SDK1: variants seen among roughly 807,000 people sequenced by gnomAD.
SDK1 encodes protein sidekick-1.
SDK1 carries 157 observed loss-of-function variants against 245.5 expected under a neutral mutation model. The observed-to-expected ratio is 0.64, with a 90% confidence interval of 0.56 to 0.73. The LOEUF is 0.73. SDK1 is among the 30% of genes least tolerant of loss of function. SDK1 has a pLI of 0.00. For missense variants in SDK1, 3,583 were observed against 3,002.3 expected (o/e 1.19, Z -4.52); for synonymous variants, 1,647 against 1,278.5 (o/e 1.29, Z -6.15).
intron 30 of SDK1, among the ~76,000 whole-genome samples, chr7:4,153,778 G>T (rs1780545287): frequency 6.6e-6 from 1 of 152,166 alleles, no homozygotes; most frequent in Non-Finnish European, 1.5e-5. Flanking sequence ...CTGGGCTCAA[G>T]ATACCATCCT....
At chr7:4,115,057 G>A (rs770077645) in intron 25 of SDK1, among the ~76,000 whole-genome samples, 4 of 152,180 alleles carry the variant, frequency 2.6e-5, no homozygotes, top group Non-Finnish European at 5.9e-5. Context: ...ACTTCCGCTG[G>A]CCAACTGTGG....
intron 1 of SDK1, among the ~76,000 whole-genome samples, chr7:3,331,439 ATCT>A (rs1404801275): frequency 1.3e-5 from 2 of 152,152 alleles, no homozygotes; most frequent in African/African-American, 2.4e-5. Context: ...CCATTTGCAT[ATCT>A]TCTTTGGGGA....
chr7:3,683,493 T>C (rs1300738060), intron 4 of SDK1, among the ~76,000 whole-genome samples: 1 of 152,204 alleles, frequency 6.6e-6, no homozygotes, highest in Admixed American at 6.5e-5. Flanking sequence ...TGTTAAGATT[T>C]TGTTCACTTC....
chr7:3,836,047 C>T lies in SDK1; in HGVS notation c.847+14464C>T, dbSNP rs1243553758. Among the ~76,000 whole-genome samples, 4 of 152,140 alleles carry T rather than the reference C, an allele frequency of 2.6e-5. No individual in the cohort carries two copies. In the East Asian group the frequency reaches 7.7e-4, roughly 29 times the overall value. Reference sequence around the variant, plus strand: ...TATAGAGAAAATATGGGAGATTTCTCAGAGATGGACTGTGTTATAAATAGA... The same window carrying T: ...TATAGAGAAAATATGGGAGATTTCTTAGAGATGGACTGTGTTATAAATAGA... On this transcript the variant is annotated intron_variant, in intron 5 of 44. Transcript: ENST00000404826.
intron 4 of SDK1, among the ~76,000 whole-genome samples, chr7:3,663,749 G>T (rs1359557762): frequency 6.6e-6 from 1 of 152,132 alleles, no homozygotes; most frequent in African/African-American, 2.4e-5. Flanking sequence ...CTAGAATTAT[G>T]TGTTGTCCCT....
At chr7:3,868,752 G>T (rs149373440) in intron 5 of SDK1, among the ~76,000 whole-genome samples, 11 of 152,242 alleles carry the variant, frequency 7.2e-5, no homozygotes, top group East Asian at 1.9e-4. Flanking sequence ...ACTTCCAGGG[G>T]TACATCTGTT....
intron 1 of SDK1, among the ~76,000 whole-genome samples, chr7:3,342,218 A>C (rs541806214): frequency 6.6e-6 from 1 of 152,358 alleles, no homozygotes; most frequent in South Asian, 2.1e-4. Context: ...CCTTGATCTA[A>C]ATTTTATATT....
chr7:4,110,476 TG>T (rs1030989634), intron 22 of SDK1, among the ~76,000 whole-genome samples, 186 bp from the exon 23 acceptor site: 3 of 151,958 alleles, frequency 2.0e-5, no homozygotes, highest in East Asian at 1.9e-4. Context: ...GACTTGATGG[TG>T]GGCATAGCAA....
intron 20 of SDK1, among the ~76,000 whole-genome samples, chr7:4,070,432 C>T (rs1041032211): frequency 3.6e-4 from 55 of 152,220 alleles, no homozygotes; most frequent in African/African-American, 1.3e-3. Flanking sequence ...TGGAGGCTCA[C>T]GTGTGTCCCA....
intron 5 of SDK1, among the ~76,000 whole-genome samples, chr7:3,870,559 T>C (rs1353285406): frequency 6.8e-6 from 1 of 146,496 alleles, no homozygotes; most frequent in African/African-American, 2.6e-5. Context: ...ATTTACCTTT[T>C]TGTAAAAAAG....
At chr7:3,898,228 C>T (rs1037043056) in intron 5 of SDK1, among the ~76,000 whole-genome samples, 1 of 152,144 alleles carries the variant, frequency 6.6e-6, no homozygotes, top group African/African-American at 2.4e-5. Flanking sequence ...TCTGGAAAGT[C>T]TTCATTGTAG....
chr7:3,761,896 C>G (rs949189148), intron 4 of SDK1, among the ~76,000 whole-genome samples: 4 of 152,142 alleles, frequency 2.6e-5, no homozygotes, highest in Non-Finnish European at 5.9e-5. Context: ...TCTTTCACAT[C>G]AGGCTCAGTG....
In SDK1 at chr7:4,017,259, A is replaced by G; in HGVS notation, c.2509A>G (p.Ile837Val). 6.2e-7 allele frequency: 1 copy of G among 1,614,126 alleles called. No homozygotes were observed. The highest frequency in any genetic ancestry group is 8.5e-7 in the Non-Finnish European group (1 of 1,179,994). Residue 837 changes from isoleucine to valine, a missense_variant, in exon 17 of 45, where the codon ATC becomes GTC. Transcript: ENST00000404826. ...VNYCLVTDLI[I>V]WTQYEIQVAA... is the part of the protein sequence containing the mutation. ...CTACTGCCTGGTGACAGACCTGATC[A>G]TCTGGACACAGTATGAGATACAGGT...
intron 1 of SDK1, among the ~76,000 whole-genome samples, chr7:3,336,535 G>GGT (rs1374792197): frequency 6.6e-6 from 1 of 152,152 alleles, no homozygotes; most frequent in Non-Finnish European, 1.5e-5. Flanking sequence ...CTGGTGGGGA[G>GGT]GTGTGAGCCT....
chr7:3,740,679 G>GTTCCAC (rs1429981774), intron 4 of SDK1, among the ~76,000 whole-genome samples: 11 of 152,190 alleles, frequency 7.2e-5, no homozygotes, highest in African/African-American at 2.4e-4. Flanking sequence ...AGTGGAAGGG[G>GTTCCAC]TATGGGAATA....
intron 7 of SDK1, chr7:3,958,062 C>G (rs1200572384): frequency 4.3e-6 from 2 of 468,898 alleles, no homozygotes; most frequent in East Asian, 6.9e-5. Flanking sequence ...TTTAAAGATA[C>G]AGTCAATATA....
At chr7:3,471,883 A>G (rs1781194889) in intron 1 of SDK1, among the ~76,000 whole-genome samples, 1 of 152,186 alleles carries the variant, frequency 6.6e-6, no homozygotes, top group Admixed American at 6.5e-5. Flanking sequence ...ACAAATATTG[A>G]AGTGTTTTGC....
intron 1 of SDK1, among the ~76,000 whole-genome samples, chr7:3,431,381 T>TTTTTTTA (rs1244835106): frequency 1.6e-4 from 23 of 148,286 alleles, no homozygotes; most frequent in African/African-American, 5.8e-4. Context: ...TTTTTTTTTT[T>TTTTTTTA]AAAGCAAATT....
rs147196037 is a variant in SDK1 at position 3,539,174 on chromosome 7, G to A, written c.299-79906G>A. ...GGTCATATTTTCTATCCCCAAGTTA[G>A]GGGCTGTGGGGAGATGGAGGCCAGG... On this transcript the variant is annotated intron_variant, in intron 1 of 44. Transcript: ENST00000404826. Among the ~76,000 whole-genome samples the A allele has an allele frequency of 3.3e-4, 50 of 152,286 alleles. No individual in the cohort carries two copies. In the East Asian group the frequency reaches 9.4e-3, roughly 29 times the overall value.
Sources: allele counts gnomAD v4.1 joint callset (sites outside exome capture counted in the v4.1 genomes callset), GRCh38; gene constraint gnomAD v4.1.1; transcripts MANE v1.5; gene names NCBI Gene and HGNC (gene_info 2026-07-23, HGNC 2026-07-21).